PDE10A: variants seen among roughly 807,000 people sequenced by gnomAD.
PDE10A encodes the protein phosphodiesterase 10A.
PDE10A carries 39 observed loss-of-function variants against 97.7 expected under a neutral mutation model. The observed-to-expected ratio is 0.40, with a 90% CI of 0.31 to 0.52. The LOEUF (loss-of-function observed/expected upper bound fraction) is 0.52. Ranked by LOEUF, PDE10A falls within the 20% of genes least tolerant of loss-of-function variation. The pLI is 0.56. For missense variants in PDE10A, 731 were observed against 1,047.8 expected (o/e 0.70, Z 4.17); for synonymous variants, 371 against 376.8 (o/e 0.98, Z 0.18).
At chr6:165,593,912 T>C (rs1786429976) in intron 1 of PDE10A, among the ~76,000 whole-genome samples, 1 of 152,220 alleles carries the variant, frequency 6.6e-6, no homozygotes. Context: ...TAACCAATAT[T>C]AAAACCTGCA....
chr6:165,825,459 A>T (rs1240444785), intron 1 of PDE10A, among the ~76,000 whole-genome samples: 7 of 152,180 alleles, frequency 4.6e-5, no homozygotes, highest in African/African-American at 1.7e-4. Flanking sequence ...TCCCTGAAAT[A>T]CGGCCCAGCC....
At chr6:165,980,381 G>T (rs1370132895) in intron 1 of PDE10A, among the ~76,000 whole-genome samples, 2 of 122,630 alleles carry the variant, frequency 1.6e-5, no homozygotes. Context: ...AGTACTGTGT[G>T]GTTGCTTATG....
chr6:165,653,818 C>A (rs1789804249), intron 1 of PDE10A, among the ~76,000 whole-genome samples: 1 of 144,358 alleles, frequency 6.9e-6, no homozygotes, highest in South Asian at 2.2e-4. Flanking sequence ...TCCCCCAATG[C>A]AAAGCTGGAC....
At chr6:165,812,451 C>T (rs1779307854) in intron 1 of PDE10A, among the ~76,000 whole-genome samples, 1 of 151,954 alleles carries the variant, frequency 6.6e-6, no homozygotes, top group Non-Finnish European at 1.5e-5. Context: ...AAAGTGTCCT[C>T]TCATTAAGTA....
intron 1 of PDE10A, among the ~76,000 whole-genome samples, chr6:165,746,296 A>G (rs917269478): frequency 2.0e-5 from 3 of 152,206 alleles, no homozygotes; most frequent in Non-Finnish European, 2.9e-5. Context: ...TCAAGCTTGG[A>G]GCTGGTGTTG....
In PDE10A at chr6:165,388,684, A is replaced by G. The variant is rs1308496828; in HGVS notation, c.2455-231T>C. On this transcript the variant is annotated intron_variant, in intron 16 of 21. Coordinates refer to ENST00000539869, the MANE Select transcript of PDE10A (RefSeq NM_001385079.1). The surrounding 1 kb of genome is among the most constrained non-coding windows in gnomAD (Gnocchi z 4.0). ...TTGTTTCTCTGCTTAGGAATCTGAT[A>G]GTCAAATTATTTTTGAGTTTCTCTC... 6.6e-6 allele frequency among the ~76,000 whole-genome samples: 1 copy of G among 152,164 alleles called. No individual in the cohort carries two copies. Among genetic ancestry groups the G allele is most frequent in the Non-Finnish European group, 1.5e-5 (1 of 68,024 alleles).
intron 1 of PDE10A, among the ~76,000 whole-genome samples, chr6:165,779,926 G>T (rs945270992): frequency 9.9e-5 from 15 of 152,118 alleles, no homozygotes; most frequent in African/African-American, 3.6e-4. Flanking sequence ...AATTCACTCC[G>T]CTGGGCCACG....
At position 165,662,018 on chromosome 6, in the gene PDE10A, G is replaced by C. The variant is rs1790294207; in HGVS notation, c.794C>G (p.Ser265Cys). ...LAAAAALLFG[S>C]DMEDGPSNNA... ...ATTAGAAGGTCCATCTTCCATGTCG[G>C]AGCCGAAGAGCAGCGCGGCCGCGGC... is the stretch of plus-strand genomic sequence containing the variant. The change falls in exon 1 of 22, where the codon TCC (serine) becomes TGC (cysteine). Residue 265 changes from serine (S) to cysteine (C), a missense_variant. Physicochemically the swap from Ser to Cys is moderately radical, Grantham distance 112 (BLOSUM62 -1). Transcript: ENST00000539869. 6.7e-7 allele frequency: 1 copy of C among 1,502,882 alleles called. No homozygotes were observed. The highest frequency in any genetic ancestry group is 1.4e-5 in the African/African-American group (1 of 69,850). The allele number at this position is 1,502,882 out of a possible 1,614,324, so 93.1% of individuals were successfully genotyped here.
intron 10 of PDE10A, among the ~76,000 whole-genome samples, chr6:165,427,173 G>A (rs1789226710): frequency 6.6e-6 from 1 of 152,060 alleles, no homozygotes; most frequent in South Asian, 2.1e-4. Context: ...CATGTCCACA[G>A]CAGCACTATT....
chr6:165,895,439 G>A (rs2128483137), intron 1 of PDE10A, among the ~76,000 whole-genome samples: 1 of 152,282 alleles, frequency 6.6e-6, no homozygotes, highest in East Asian at 1.9e-4. Context: ...ATCCTCCGTG[G>A]TGGCTTTGGA....
chr6:165,361,850 G>T (rs973453456), intron 18 of PDE10A, among the ~76,000 whole-genome samples: 3 of 152,164 alleles, frequency 2.0e-5, no homozygotes, highest in Non-Finnish European at 4.4e-5. Context: ...CTGGCCTTAA[G>T]AATTGTGAGA....
At chr6:165,486,676 G>A (rs1206223894) in intron 2 of PDE10A, among the ~76,000 whole-genome samples, 1 of 152,174 alleles carries the variant, frequency 6.6e-6, no homozygotes. Context: ...AAGGTAGATT[G>A]CTGGCCAGAG....
intron 1 of PDE10A, among the ~76,000 whole-genome samples, chr6:165,890,251 G>A (rs1489884633): frequency 6.6e-6 from 1 of 152,114 alleles, no homozygotes; most frequent in African/African-American, 2.4e-5. Flanking sequence ...GGAGCCTGCT[G>A]TTTCTCTCTT....
chr6:165,487,937 G>T, intron 2 of PDE10A, among the ~76,000 whole-genome samples: 1 of 147,988 alleles, frequency 6.8e-6, no homozygotes, highest in Non-Finnish European at 1.5e-5. Flanking sequence ...CAGCAATGAA[G>T]CTCTCTTTGA....
At chr6:165,921,061 T>C (rs1782739447) in intron 1 of PDE10A, among the ~76,000 whole-genome samples, 1 of 152,052 alleles carries the variant, frequency 6.6e-6, no homozygotes, top group Non-Finnish European at 1.5e-5. Context: ...GAGGAGCTGG[T>C]TGAGGGATGG....
chr6:165,359,477 G>A (rs552245714), intron 18 of PDE10A, among the ~76,000 whole-genome samples: 79 of 152,250 alleles, frequency 5.2e-4, no homozygotes, highest in African/African-American at 1.8e-3. Context: ...TGTTTGTTAC[G>A]TGTTGTTTCT....
At chr6:165,406,923 C>T (rs1325878738) in intron 13 of PDE10A, among the ~76,000 whole-genome samples, 1 of 152,120 alleles carries the variant, frequency 6.6e-6, no homozygotes, top group East Asian at 1.9e-4. Context: ...CAGCTGCACC[C>T]CAGCTTCTCA....
intron 1 of PDE10A, among the ~76,000 whole-genome samples, chr6:165,899,481 G>GA (rs1350955953): frequency 3.3e-5 from 5 of 152,228 alleles, no homozygotes; most frequent in African/African-American, 9.6e-5. Context: ...GGTGAATGGA[G>GA]ACTGTCACTG....
intron 1 of PDE10A, among the ~76,000 whole-genome samples, chr6:165,590,915 A>G (rs1270656048): frequency 2.0e-5 from 3 of 152,168 alleles, no homozygotes; most frequent in Non-Finnish European, 4.4e-5. Flanking sequence ...AAAATTAGAC[A>G]TTTAACTCAA....
Sources: allele counts gnomAD v4.1 joint callset (sites outside exome capture counted in the v4.1 genomes callset), GRCh38; gene constraint gnomAD v4.1.1; non-coding constraint Gnocchi (gnomAD v3.1); transcripts MANE v1.5; gene names NCBI Gene and HGNC (gene_info 2026-07-23, HGNC 2026-07-21).